Variants in NRG1 observed in about 807,000 individuals in gnomAD.
The protein encoded by NRG1 is pro-neuregulin-1, membrane-bound isoform.
Under a neutral mutation model 63.8 loss-of-function variants are expected in NRG1, and 18 were observed. The ratio of observed to expected loss-of-function variants is 0.28; its 90% confidence interval spans 0.19 to 0.42. The LOEUF is 0.42. Among genes scored for constraint, NRG1 ranks in the 10% least tolerant of loss-of-function variants. NRG1 has a pLI of 1.00. For missense variants in NRG1, 762 were observed against 814.7 expected (o/e 0.94, Z 0.79); for synonymous variants, 302 against 301.3 (o/e 1.00, Z -0.02).
intron 1 of NRG1, among the ~76,000 whole-genome samples, chr8:31,962,228 C>A (rs1175926381): frequency 1.3e-5 from 2 of 152,166 alleles, no homozygotes; most frequent in Non-Finnish European, 2.9e-5. Flanking sequence ...AAATTGTCTA[C>A]AGAAAACAAC....
chr8:32,749,599 T>C (rs1233143517), intron 7 of NRG1: 4 of 1,613,204 alleles, frequency 2.5e-6, no homozygotes, highest in Non-Finnish European at 3.4e-6. Context: ...GGACCAATCA[T>C]CATTCCTTTT....
chr8:31,674,484 A>T (rs1807474562), intron 1 of NRG1, among the ~76,000 whole-genome samples: 1 of 152,022 alleles, frequency 6.6e-6, no homozygotes, highest in Non-Finnish European at 1.5e-5. Context: ...TTACTTTCTG[A>T]ATGGTGTCCT....
chr8:31,811,802 A>G (rs1285660197), intron 1 of NRG1, among the ~76,000 whole-genome samples: 2 of 152,180 alleles, frequency 1.3e-5, no homozygotes, highest in East Asian at 3.9e-4. Context: ...AGAGGTATGA[A>G]TATTCTGAGA....
rs139059724 is a variant in NRG1, at chr8:32,290,879, ATTAG to A, written c.38-304944_38-304941del. 5.2e-3 allele frequency among the ~76,000 whole-genome samples: 798 copies of A among 152,134 alleles called. 3 individuals carry two copies. The highest frequency in any genetic ancestry group is 7.9e-3 in the Non-Finnish European group (538 of 67,996). On this transcript the variant is annotated intron_variant, in intron 1 of 10. Coordinates refer to the NRG1 transcript ENST00000519301. ...AGTGACAACATCAAAGGATATTTGT[ATTAG>A]TTAGGGTTCTGCAGAGACACAGGAT...
At chr8:32,309,241 TTGGAAC>T (rs1483728628) in intron 1 of NRG1, among the ~76,000 whole-genome samples, 1 of 152,120 alleles carries the variant, frequency 6.6e-6, no homozygotes, top group Non-Finnish European at 1.5e-5. Flanking sequence ...TACCAGAGAC[TTGGAAC>T]TGGAGGCTAC....
intron 1 of NRG1, among the ~76,000 whole-genome samples, chr8:32,260,750 G>T (rs1012538952): frequency 3.3e-5 from 5 of 152,152 alleles, no homozygotes; most frequent in Non-Finnish European, 7.4e-5. Flanking sequence ...TCTCAAAGGA[G>T]CTTCATGCTC....
At chr8:31,879,910 TA>T (rs2129612595) in intron 1 of NRG1, among the ~76,000 whole-genome samples, 1 of 152,350 alleles carries the variant, frequency 6.6e-6, no homozygotes, top group South Asian at 2.1e-4. Context: ...TATGGATGCA[TA>T]CTATTCCATG....
chr8:32,087,482 C>CTTTTTTTT (rs67438409), intron 1 of NRG1, among the ~76,000 whole-genome samples: 11,366 of 90,070 alleles, frequency 0.13, 1,878 homozygotes, highest in Non-Finnish European at 0.16. Context: ...TCTTTTCTTT[C>CTTTTTTTT]TTTTTTTTTT....
At chr8:31,751,697 TG>T (rs1329006426) in intron 1 of NRG1, among the ~76,000 whole-genome samples, 2 of 151,784 alleles carry the variant, frequency 1.3e-5, no homozygotes, top group Admixed American at 6.6e-5. Flanking sequence ...GATGAAACAG[TG>T]GTAGCTTAGA....
intron 1 of NRG1, among the ~76,000 whole-genome samples, chr8:32,579,207 T>A (rs2129530452): frequency 6.8e-6 from 1 of 147,016 alleles, no homozygotes; most frequent in East Asian, 2.0e-4. Flanking sequence ...TTTTTTTTTT[T>A]TTTTTTTTTT....
chr8:31,927,787 C>T (rs1834507025), intron 1 of NRG1, among the ~76,000 whole-genome samples: 1 of 151,250 alleles, frequency 6.6e-6, no homozygotes, highest in Admixed American at 6.6e-5. Flanking sequence ...GAATCTTCCA[C>T]CTCCTTTTCA....
intron 4 of NRG1, 35 bp downstream of exon 4, chr8:32,614,599 A>G: frequency 6.2e-7 from 1 of 1,602,404 alleles, no homozygotes; most frequent in Non-Finnish European, 8.5e-7. Flanking sequence ...TTTACTAACC[A>G]GAATGACAAC....
chr8:32,060,796 G>A (rs538141154), intron 1 of NRG1, among the ~76,000 whole-genome samples: 22 of 151,836 alleles, frequency 1.4e-4, no homozygotes, highest in African/African-American at 3.4e-4. Flanking sequence ...CACCAATTTC[G>A]TAGTCACCTT....
chr8:31,926,141 T>C (rs1336612240), intron 1 of NRG1, among the ~76,000 whole-genome samples: 1 of 152,184 alleles, frequency 6.6e-6, no homozygotes, highest in Non-Finnish European at 1.5e-5. Context: ...AGTGAGACGA[T>C]TCAAGGTTTT....
chr8:31,747,608 G>A lies in NRG1; in HGVS notation c.37+108177G>A, dbSNP rs117467062. On this transcript the variant is annotated intron_variant, in intron 1 of 10. Coordinates refer to the NRG1 transcript ENST00000519301. Reference sequence around the variant, plus strand: ...TTTCTAGAGTTTAGGCCCTTCTGCCGGAGGGAGATGCCTGTGTGGTCACAA... The same window carrying A: ...TTTCTAGAGTTTAGGCCCTTCTGCCAGAGGGAGATGCCTGTGTGGTCACAA... Among the ~76,000 whole-genome samples, 752 of 151,952 alleles carry A rather than the reference G, an allele frequency of 4.9e-3. 7 individuals are homozygous for A. The highest frequency in any genetic ancestry group is 0.019 in the South Asian group (92 of 4,822).
intron 1 of NRG1, among the ~76,000 whole-genome samples, chr8:32,091,303 G>T (rs994159078): frequency 6.6e-6 from 1 of 151,768 alleles, no homozygotes; most frequent in East Asian, 1.9e-4. Flanking sequence ...GAAGTAATTG[G>T]ATGAGGTGAT....
intron 1 of NRG1, among the ~76,000 whole-genome samples, chr8:31,990,305 G>T (rs1563655098): frequency 1.3e-5 from 2 of 152,102 alleles, no homozygotes; most frequent in Admixed American, 6.6e-5. Context: ...ACTCTAGATT[G>T]CAATTACCAA....
Position 32,426,692 on chromosome 8 carries a change from C to T in NRG1, c.38-169136C>T, listed in dbSNP as rs1406177862. On this transcript the variant is annotated intron_variant, in intron 1 of 10. Coordinates refer to the NRG1 transcript ENST00000519301. ...TGCCTTCCTTCTAACCTTGTCTATACTGTCTCTGCAACACACAAAGCATAT... is the reference window on the plus strand; with the variant it reads ...TGCCTTCCTTCTAACCTTGTCTATATTGTCTCTGCAACACACAAAGCATAT... 1.3e-5 allele frequency among the ~76,000 whole-genome samples: 2 copies of T among 152,312 alleles called. 1 individual carries two copies. The highest frequency in any genetic ancestry group is 4.1e-4 in the South Asian group (2 of 4,826).
At chr8:32,406,857 C>T (rs1351036016) in intron 1 of NRG1, among the ~76,000 whole-genome samples, 1 of 152,040 alleles carries the variant, frequency 6.6e-6, no homozygotes, top group Non-Finnish European at 1.5e-5. Flanking sequence ...ACTCTGGCAG[C>T]AAATGAACAA....
Sources: gnomAD v4.1 joint callset for allele counts (sites outside exome capture counted in the v4.1 genomes callset) on GRCh38, gnomAD v4.1.1 for gene constraint, MANE v1.5 for transcripts, NCBI Gene and HGNC (gene_info 2026-07-23, HGNC 2026-07-21) for gene names.